Variants in NCOR2 observed in about 807,000 individuals in gnomAD.
NCOR2 encodes CTG repeat protein 26.
Under a neutral mutation model 262.9 loss-of-function variants are expected in NCOR2, and 81 were observed. The ratio of observed to expected loss-of-function variants is 0.31; its 90% CI spans 0.26 to 0.37. The LOEUF is 0.37. NCOR2 is among the 10% of genes least tolerant of loss of function. NCOR2 has a pLI of 1.00. For missense variants in NCOR2, 3,385 were observed against 3,621.4 expected, an observed-to-expected ratio of 0.93 and a Z score of 1.68; for synonymous variants, 1,659 against 1,559.3, an observed-to-expected ratio of 1.06 and a Z score of -1.51.
At chr12:124,423,269 G>C (rs1565929323) in intron 11 of NCOR2, among the ~76,000 whole-genome samples, 1 of 152,212 alleles carries the variant, frequency 6.6e-6, no homozygotes, top group African/African-American at 2.4e-5. Flanking sequence ...GGGGTGCTGG[G>C]TGGAGTCCCT....
At chr12:124,385,239 C>T (rs1284147580) in intron 17 of NCOR2, among the ~76,000 whole-genome samples, 1 of 152,190 alleles carries the variant, frequency 6.6e-6, no homozygotes, top group Non-Finnish European at 1.5e-5. Context: ...GCCTCAAGCC[C>T]TCCAGGATGC....
chr12:124,358,905 A>G (rs973293481), intron 22 of NCOR2, among the ~76,000 whole-genome samples: 2 of 152,234 alleles, frequency 1.3e-5, no homozygotes, highest in Non-Finnish European at 2.9e-5. Flanking sequence ...AGACGGGAAA[A>G]TGGAAGCCGA....
intron 16 of NCOR2, among the ~76,000 whole-genome samples, chr12:124,395,045 G>A (rs1298829879): frequency 3.3e-5 from 5 of 152,272 alleles, no homozygotes; most frequent in Middle Eastern, 3.4e-3. Flanking sequence ...GCTGGGGTCC[G>A]AAGGCCCTGG....
chr12:124,395,376 C>A (rs947472588), intron 16 of NCOR2, among the ~76,000 whole-genome samples: 5 of 152,170 alleles, frequency 3.3e-5, no homozygotes, highest in Non-Finnish European at 5.9e-5. Context: ...CAGCCATTAG[C>A]AGCCACCCTG....
intron 44 of NCOR2, 93 bp from the exon 47 acceptor site, chr12:124,327,726 GGAA>G (rs2135722144): frequency 4.7e-6 from 4 of 847,344 alleles, no homozygotes; most frequent in Admixed American, 2.4e-5. Flanking sequence ...AGAGAGAGAG[GGAA>G]GGAGGAGGAG....
intron 4 of NCOR2, among the ~76,000 whole-genome samples, chr12:124,468,369 AC>A (rs1304448635): frequency 2.9e-5 from 1 of 34,162 alleles, no homozygotes; most frequent in Non-Finnish European, 5.4e-5. Flanking sequence ...CATCCTCATC[AC>A]CCCCATCATC....
At position 124,425,061 on chromosome 12, in the gene NCOR2, C is replaced by T. The variant is rs1055300773; in HGVS notation, c.1328+1561G>A. On this transcript the variant is annotated intron_variant, in intron 11 of 46. Coordinates refer to ENST00000405201, the Ensembl canonical transcript of NCOR2. ...CTTTAAATGCGGCCCAATACAAATT[C>T]GTAAACTTTCTTTAACCCTTATGAG... is the stretch of plus-strand genomic sequence containing the variant. Among the ~76,000 whole-genome samples the T allele has an allele frequency of 3.9e-5, 6 of 152,216 alleles. No individual in the cohort carries two copies. In the South Asian group the frequency reaches 1.2e-3, roughly 32 times the overall value.
intron 26 of NCOR2, 31 bp from the exon 29 acceptor site, chr12:124,354,227 G>C (rs113578365): frequency 6.5e-7 from 1 of 1,550,368 alleles, no homozygotes; most frequent in Non-Finnish European, 8.7e-7. Flanking sequence ...GGCTGAGGGC[G>C]TGTCTGTGGC....
intron 1 of NCOR2, among the ~76,000 whole-genome samples, chr12:124,529,040 G>A (rs1411636912): frequency 2.0e-5 from 3 of 151,960 alleles, no homozygotes; most frequent in Non-Finnish European, 1.5e-5. Context: ...TTAGCCAGGC[G>A]TGGTGGCGCA....
At chr12:124,362,150 G>A in exon 22 of NCOR2, 2 of 1,303,636 alleles carry the variant, frequency 1.5e-6, no homozygotes, top group Non-Finnish European at 1.9e-6. Flanking sequence ...GGGGGTGCCG[G>A]GCTCCTGCTC....
intron 13 of NCOR2, among the ~76,000 whole-genome samples, chr12:124,408,836 G>A (rs980911274): frequency 3.3e-5 from 5 of 152,194 alleles, no homozygotes. Context: ...TGGCTACATG[G>A]AGCTACGAAG....
chr12:124,388,426 G>A (rs985459116), intron 16 of NCOR2, among the ~76,000 whole-genome samples: 7 of 152,146 alleles, frequency 4.6e-5, no homozygotes, highest in Non-Finnish European at 8.8e-5. Flanking sequence ...TCCACTTGGA[G>A]AGACCCCCTG....
intron 14 of NCOR2, among the ~76,000 whole-genome samples, chr12:124,401,375 G>A (rs1387855125): frequency 6.6e-6 from 1 of 152,188 alleles, no homozygotes; most frequent in Admixed American, 6.5e-5. Flanking sequence ...TGGGCTGGTG[G>A]TTATCTGCAA....
At chr12:124,372,571 G>C in exon 20 of NCOR2, 1 of 1,598,374 alleles carries the variant, frequency 6.3e-7, no homozygotes, top group South Asian at 1.1e-5. Flanking sequence ...AGTGTGAGGA[G>C]AGGGGATGCT....
intron 22 of NCOR2, among the ~76,000 whole-genome samples, chr12:124,360,149 C>T (rs1321186636): frequency 6.6e-6 from 1 of 152,210 alleles, no homozygotes; most frequent in East Asian, 1.9e-4. Context: ...TGACGCTGGC[C>T]AAAGCTGCTG....
Position 124,531,744 on chromosome 12 carries a change from C to T in NCOR2, c.-118+3821G>A, listed in dbSNP as rs1324207247. Reference sequence around the variant, plus strand: ...CCCAGAGCCCCCGAGAGGTGAGATCCCACCGGGCCAGGGCCCTAAAACCTC... The same window carrying T: ...CCCAGAGCCCCCGAGAGGTGAGATCTCACCGGGCCAGGGCCCTAAAACCTC... On this transcript the variant is annotated intron_variant, in intron 1 of 46. Coordinates refer to the NCOR2 transcript ENST00000404621. This position sits in a 1 kb window ranked among gnomAD's most constrained non-coding sequence, Gnocchi z 4.5. Among the ~76,000 whole-genome samples the T allele has an allele frequency of 6.6e-6, 1 of 151,902 alleles. No homozygotes were observed. The highest frequency in any genetic ancestry group is 1.5e-5 in the Non-Finnish European group (1 of 67,926).
At position 124,354,601 on chromosome 12, in the gene NCOR2, A is replaced by G; in HGVS notation, c.3485-19T>C. The G allele has an allele frequency of 6.5e-7, 1 of 1,529,252 alleles. No homozygotes were observed. The highest frequency in any genetic ancestry group is 8.8e-7 in the Non-Finnish European group (1 of 1,138,870). The allele number at this position is 1,529,252 out of a possible 1,614,324, so 94.7% of individuals were successfully genotyped here. A position where few individuals can be genotyped will look rare whatever the true frequency, so the allele number is the denominator to read the frequency against. On this transcript the variant is annotated intron_variant, in intron 25 of 46. Transcript: ENST00000405201. ...AAGGGTGCTGAGGACCAGTAAGAGG[A>G]GCGAGTCACGTGCTGCCGGAGCAGG...
At chr12:124,532,378 A>G (rs923417433) in intron 1 of NCOR2, among the ~76,000 whole-genome samples, 7 of 152,156 alleles carry the variant, frequency 4.6e-5, no homozygotes, top group Non-Finnish European at 7.4e-5. Flanking sequence ...AGGGGAGTGC[A>G]GAGCATCTGC....
chr12:124,520,875 G>C (rs1341146482), intron 1 of NCOR2, among the ~76,000 whole-genome samples: 1 of 152,200 alleles, frequency 6.6e-6, no homozygotes, highest in Non-Finnish European at 1.5e-5. Flanking sequence ...AGCTTTGACG[G>C]TGGGAAAGAT....
Sources: gnomAD v4.1 joint callset for allele counts (sites outside exome capture counted in the v4.1 genomes callset) on GRCh38, gnomAD v4.1.1 for gene constraint, Gnocchi (gnomAD v3.1) non-coding constraint, MANE v1.5 for transcripts, NCBI Gene and HGNC (gene_info 2026-07-23, HGNC 2026-07-21) for gene names.